ICA1L: variants seen among roughly 807,000 people sequenced by gnomAD.
ICA1L encodes islet cell autoantigen 1-like protein.
ICA1L carries 50 observed loss-of-function variants against 61.3 expected under a neutral mutation model. The observed-to-expected ratio is 0.82, with a 90% CI of 0.65 to 1.03. ICA1L has a LOEUF of 1.03. Ranked by LOEUF, ICA1L falls within the 50% of genes least tolerant of loss-of-function variation. The probability of loss-of-function intolerance (pLI) is 0.00; values close to 1 mark genes in which losing one functional copy is unlikely to be tolerated. For synonymous variants in ICA1L, 161 were observed against 191.3 expected, an observed-to-expected ratio of 0.84 and a Z score of 1.31; for missense variants, 508 against 556.7, an observed-to-expected ratio of 0.91 and a Z score of 0.88.
chr2:202,837,347 G>C (rs760490537), intron 1 of ICA1L, among the ~76,000 whole-genome samples: 5 of 151,200 alleles, frequency 3.3e-5, no homozygotes, highest in Non-Finnish European at 5.9e-5. Flanking sequence ...GCAGTGGTGC[G>C]ATCTCGGCTC....
intron 1 of ICA1L, among the ~76,000 whole-genome samples, chr2:202,837,507 G>A (rs963858560): frequency 6.7e-6 from 1 of 148,966 alleles, no homozygotes; most frequent in Non-Finnish European, 1.5e-5. Context: ...TCCTGACCTC[G>A]TGATCCGCCC....
chr2:202,852,130 A>G (rs1271628098), intron 1 of ICA1L, among the ~76,000 whole-genome samples: 1 of 152,052 alleles, frequency 6.6e-6, no homozygotes, highest in Admixed American at 6.6e-5. Flanking sequence ...TAGGGTTTTT[A>G]TGGTTTTAGG....
chr2:202,780,515 G>T (rs1178056464), intron 12 of ICA1L, among the ~76,000 whole-genome samples: 1 of 152,216 alleles, frequency 6.6e-6, no homozygotes, highest in African/African-American at 2.4e-5. Flanking sequence ...GGCACAGACA[G>T]TGGGTCATCT....
intron 9 of ICA1L, among the ~76,000 whole-genome samples, chr2:202,803,423 AGAG>A (rs1454872176): frequency 6.7e-6 from 1 of 149,152 alleles, no homozygotes; most frequent in Non-Finnish European, 1.5e-5. Context: ...AAAAAAAAAA[AGAG>A]AACATGGGAA....
chr2:202,774,141 CATTT>C lies in ICA1L; in HGVS notation c.*5388_*5391del. 5 of 1,448,516 alleles carry C rather than the reference CATTT, an allele frequency of 3.5e-6. No individual in the cohort carries two copies. Among genetic ancestry groups the C allele is most frequent in the Non-Finnish European group, 4.7e-6 (5 of 1,054,622 alleles). 89.7% of individuals were successfully genotyped at this position (1,448,516 alleles called of 1,614,324 possible). On this transcript the variant is annotated 3_prime_UTR_variant, in exon 13 of 13. Coordinates refer to ENST00000358299, the MANE Select transcript of ICA1L (RefSeq NM_001288622.3). ...ATTCTCAACTCTTCATTAATCAATT[CATTT>C]GTTGATGCTTCATATCTGAGCGGCT...
intron 1 of ICA1L, among the ~76,000 whole-genome samples, chr2:202,864,717 C>T (rs557386896): frequency 6.6e-6 from 1 of 152,032 alleles, no homozygotes; most frequent in South Asian, 2.1e-4. Context: ...ATTTGTTTAG[C>T]ATTTCAAAAT....
chr2:202,782,682 G>A (rs570107815), intron 12 of ICA1L, among the ~76,000 whole-genome samples: 8 of 152,060 alleles, frequency 5.3e-5, no homozygotes, highest in African/African-American at 1.7e-4. Flanking sequence ...GCTGGGATTA[G>A]AGGCATGAGC....
chr2:202,851,412 T>C (rs1694616660), intron 1 of ICA1L, among the ~76,000 whole-genome samples: 3 of 152,220 alleles, frequency 2.0e-5, no homozygotes, highest in Non-Finnish European at 4.4e-5. Context: ...AGTCTATCAT[T>C]GATGGACATT....
intron 1 of ICA1L, chr2:202,841,796 T>G: frequency 5.4e-6 from 2 of 368,390 alleles, no homozygotes; most frequent in South Asian, 4.7e-5. Context: ...GATGCAGGAG[T>G]GGAGGCAGGT....
intron 9 of ICA1L, among the ~76,000 whole-genome samples, chr2:202,799,793 T>G (rs1374450965): frequency 6.6e-6 from 1 of 152,060 alleles, no homozygotes; most frequent in South Asian, 2.1e-4. Context: ...ATTTTGTATA[T>G]GGTGAGAGAT....
rs563940557 is a variant in ICA1L, at chr2:202,802,011, A to C, written c.911-5047T>G. Among the ~76,000 whole-genome samples the C allele has an allele frequency of 1.8e-3, 274 of 152,374 alleles. 2 individuals are homozygous for C. The highest frequency in any genetic ancestry group is 6.8e-3 in the Middle Eastern group (2 of 294). On this transcript the variant is annotated intron_variant, in intron 9 of 12. Transcript: ENST00000358299. ...AAGCTACCACAAGAATGCTGGGGTA[A>C]ACCAACAAATAATAGATTTAGACCC...
chr2:202,822,979 T>A (rs1693739039), intron 3 of ICA1L, among the ~76,000 whole-genome samples: 1 of 152,254 alleles, frequency 6.6e-6, no homozygotes, highest in African/African-American at 2.4e-5. Context: ...ATGTACAGTT[T>A]ACACATTATT....
At chr2:202,837,610 C>T (rs1487917672) in intron 1 of ICA1L, among the ~76,000 whole-genome samples, 1 of 152,070 alleles carries the variant, frequency 6.6e-6, no homozygotes, top group African/African-American at 2.4e-5. Flanking sequence ...ATCTTTTCTA[C>T]TGTTTTTCTA....
At chr2:202,838,338 C>T (rs748510265) in intron 1 of ICA1L, among the ~76,000 whole-genome samples, 2 of 152,108 alleles carry the variant, frequency 1.3e-5, no homozygotes, top group East Asian at 1.9e-4. Context: ...TATATTGTGG[C>T]CTAAGACATG....
intron 8 of ICA1L, among the ~76,000 whole-genome samples, chr2:202,813,681 A>C (rs1693445132): frequency 6.6e-6 from 1 of 152,190 alleles, no homozygotes; most frequent in African/African-American, 2.4e-5. Context: ...ATGGTTTATC[A>C]CTGTTTGGCC....
intron 9 of ICA1L, among the ~76,000 whole-genome samples, chr2:202,808,147 G>T (rs1559134008): frequency 6.6e-6 from 1 of 152,168 alleles, no homozygotes; most frequent in Non-Finnish European, 1.5e-5. Context: ...TGGCCACAGT[G>T]GGGTAGAGAA....
intron 9 of ICA1L, among the ~76,000 whole-genome samples, chr2:202,797,671 GCCACCACA>G (rs1410502991): frequency 2.6e-5 from 4 of 151,932 alleles, no homozygotes; most frequent in Non-Finnish European, 5.9e-5. Flanking sequence ...ACAGGCATGC[GCCACCACA>G]CCTGGCTAAT....
intron 9 of ICA1L, among the ~76,000 whole-genome samples, chr2:202,801,718 G>A (rs1294225385): frequency 6.6e-6 from 1 of 152,204 alleles, no homozygotes; most frequent in Non-Finnish European, 1.5e-5. Flanking sequence ...AAGCGAAGAA[G>A]AAAGGCAGGT....
intron 1 of ICA1L, among the ~76,000 whole-genome samples, chr2:202,865,992 A>G (rs1687500364): frequency 6.6e-6 from 1 of 152,218 alleles, no homozygotes; most frequent in East Asian, 1.9e-4. Context: ...ATATTTAGCA[A>G]CAAATTCAGT....
Sources: gnomAD v4.1 joint callset for allele counts (sites outside exome capture counted in the v4.1 genomes callset) on GRCh38, gnomAD v4.1.1 for gene constraint, MANE v1.5 for transcripts, NCBI Gene and HGNC (gene_info 2026-07-23, HGNC 2026-07-21) for gene names.